Variants in OSBPL9 observed in about 807,000 individuals in gnomAD.
OSBPL9 encodes the protein oxysterol binding protein like 9.
OSBPL9 carries 40 observed loss-of-function variants against 106.6 expected under a neutral mutation model. The observed-to-expected ratio is 0.38, with a 90% CI of 0.29 to 0.49. OSBPL9 has a LOEUF of 0.49. Among genes scored for constraint, OSBPL9 ranks in the 20% least tolerant of loss-of-function variants. The probability of loss-of-function intolerance (pLI) is 0.97; values close to 1 mark genes in which losing one functional copy is unlikely to be tolerated. For missense variants in OSBPL9, 609 were observed against 887.2 expected (o/e 0.69, Z 3.98); for synonymous variants, 269 against 295.4 (o/e 0.91, Z 0.92).
intron 1 of OSBPL9, among the ~76,000 whole-genome samples, chr1:51,597,646 C>T (rs961787357): frequency 6.6e-6 from 1 of 151,998 alleles, no homozygotes; most frequent in Admixed American, 6.6e-5. Context: ...TGGCCAAGAA[C>T]CATGCATGCC....
chr1:51,645,090 C>T (rs1310232000), intron 1 of OSBPL9, among the ~76,000 whole-genome samples: 2 of 152,142 alleles, frequency 1.3e-5, no homozygotes, highest in Non-Finnish European at 2.9e-5. Flanking sequence ...CTCTGCTCTG[C>T]GATAAATAGG....
chr1:51,693,047 A>G (rs762848320), intron 3 of OSBPL9, among the ~76,000 whole-genome samples: 9 of 152,086 alleles, frequency 5.9e-5, no homozygotes, highest in Non-Finnish European at 1.2e-4. Flanking sequence ...ATGACTACCA[A>G]TTAGTTGCTA....
chr1:51,759,573 A>G (rs932555744), intron 9 of OSBPL9: 2 of 152,202 alleles, frequency 1.3e-5, no homozygotes, highest in Admixed American at 6.5e-5. Context: ...TTCCAGATCA[A>G]TTAAAGGTAA....
chr1:51,706,255 T>C (rs1337608111), intron 3 of OSBPL9, among the ~76,000 whole-genome samples: 1 of 152,256 alleles, frequency 6.6e-6, no homozygotes, highest in Non-Finnish European at 1.5e-5. Context: ...AAGGGTACTT[T>C]CCTGTGGCCC....
intron 3 of OSBPL9, among the ~76,000 whole-genome samples, chr1:51,674,324 A>G (rs1650658700): frequency 6.6e-6 from 1 of 152,100 alleles, no homozygotes; most frequent in African/African-American, 2.4e-5. Context: ...TTATTGAGGT[A>G]TAACTCACTA....
chr1:51,677,157 G>T (rs1001492535), intron 3 of OSBPL9, among the ~76,000 whole-genome samples: 3 of 152,196 alleles, frequency 2.0e-5, no homozygotes, highest in African/African-American at 7.2e-5. Context: ...TGTTAGAAAT[G>T]CAGATTCTTG....
chr1:51,591,411 A>G (rs1645274859), intron 1 of OSBPL9, among the ~76,000 whole-genome samples: 1 of 152,192 alleles, frequency 6.6e-6, no homozygotes, highest in African/African-American at 2.4e-5. Flanking sequence ...ATGAATGGTT[A>G]AGCCATTTAC....
At chr1:51,613,740 C>CTTT (rs1213011994), upstream of OSBPL9, among the ~76,000 whole-genome samples, 1 of 142,888 alleles carries the variant, frequency 7.0e-6, no homozygotes, top group African/African-American at 2.6e-5. Flanking sequence ...TCTTTCTTTT[C>CTTT]TTTTTTTTTT....
Position 51,596,859 on chromosome 1 carries a change from G to A in OSBPL9, c.-422-1265G>A, listed in dbSNP as rs961470223. Among the ~76,000 whole-genome samples, 3 of 152,210 alleles carry A rather than the reference G, an allele frequency of 2.0e-5. No homozygotes were observed. In the East Asian group the frequency reaches 5.8e-4, roughly 29 times the overall value. ...GCACTGGGCTAGGACTGAAGATACA[G>A]TGGAGAACAAGACTGGCAAGTCTCC... is the stretch of plus-strand genomic sequence containing the variant. On this transcript the variant is annotated intron_variant, in intron 1 of 25. Coordinates refer to the OSBPL9 transcript ENST00000371714.
intron 16 of OSBPL9, chr1:51,781,546 G>T (rs1489685009): frequency 3.9e-6 from 2 of 508,264 alleles, no homozygotes; most frequent in Non-Finnish European, 7.0e-6. Context: ...ATCAGATCTT[G>T]CAAGGTCTTG....
chr1:51,543,546 C>T, the OSBPL9 span, among the ~76,000 whole-genome samples: 1 of 152,170 alleles, frequency 6.6e-6, no homozygotes, highest in Non-Finnish European at 1.5e-5. Flanking sequence ...CAGGCACGTG[C>T]CACCATGCCC....
At chr1:51,743,806 ATATC>A (rs1302688586) in intron 4 of OSBPL9, among the ~76,000 whole-genome samples, 2 of 152,154 alleles carry the variant, frequency 1.3e-5, no homozygotes, top group Non-Finnish European at 2.9e-5. Context: ...CAGTACTCTA[ATATC>A]TATGAAATAT....
chr1:51,698,337 G>A (rs148055109), intron 3 of OSBPL9, among the ~76,000 whole-genome samples: 243 of 152,172 alleles, frequency 1.6e-3, no homozygotes, highest in Middle Eastern at 6.8e-3. Context: ...GATTATAAAG[G>A]TCTATTTAGT....
intron 20 of OSBPL9, 64 bp downstream of exon 20, chr1:51,784,646 C>T: frequency 6.5e-7 from 1 of 1,528,258 alleles, no homozygotes; most frequent in Admixed American, 1.7e-5. Flanking sequence ...TTGTCTTGAA[C>T]TACAGCTTCT....
At chr1:51,610,086 A>C (rs565685012) in intron 2 of OSBPL9, among the ~76,000 whole-genome samples, 1 of 152,140 alleles carries the variant, frequency 6.6e-6, no homozygotes, top group Non-Finnish European at 1.5e-5. Context: ...TCTTGTCACA[A>C]TACACTGTGG....
the OSBPL9 span, among the ~76,000 whole-genome samples, chr1:51,536,676 T>C: frequency 6.6e-6 from 1 of 152,176 alleles, no homozygotes; most frequent in South Asian, 2.1e-4. Flanking sequence ...TTCACTATTA[T>C]TCACGATATT....
At chr1:51,559,070 G>A in the OSBPL9 span, among the ~76,000 whole-genome samples, 3 of 152,206 alleles carry the variant, frequency 2.0e-5, no homozygotes, top group Non-Finnish European at 4.4e-5. Flanking sequence ...CAGGGAACAG[G>A]AGGGGTCAGG....
At chr1:51,772,477 T>C in intron 13 of OSBPL9, 128 bp from the exon 14 acceptor site, 2 of 808,134 alleles carry the variant, frequency 2.5e-6, no homozygotes, top group Non-Finnish European at 4.2e-6. Context: ...GATCGTGCCA[T>C]TGCACTCCAG....
At chr1:51,604,807 C>T (rs1643930399) in intron 2 of OSBPL9, among the ~76,000 whole-genome samples, 2 of 151,998 alleles carry the variant, frequency 1.3e-5, no homozygotes, top group Admixed American at 6.5e-5. Context: ...GCGCCTGCCA[C>T]CACACCTGGC....
Sources: allele counts gnomAD v4.1 joint callset (sites outside exome capture counted in the v4.1 genomes callset), GRCh38; gene constraint gnomAD v4.1.1; transcripts MANE v1.5; gene names NCBI Gene and HGNC (gene_info 2026-07-23, HGNC 2026-07-21).